The following DNAH2 variants were observed in gnomAD, a reference collection of about 807,000 sequenced individuals.
DNAH2 encodes dynein axonemal heavy chain 2.
In DNAH2, 323 loss-of-function variants were observed where a neutral mutation model predicts 523.5. The ratio of observed to expected loss-of-function variants is 0.62; its 90% confidence interval spans 0.56 to 0.68. The LOEUF (loss-of-function observed/expected upper bound fraction) is 0.68, where lower values mean the gene tolerates loss of function less well. Ranked by LOEUF, DNAH2 falls within the 30% of genes least tolerant of loss-of-function variation. DNAH2 has a pLI of 0.00. For synonymous variants in DNAH2, 2,093 were observed against 2,177.4 expected, an observed-to-expected ratio of 0.96 and a Z score of 1.08; for missense variants, 4,907 against 5,701.5, an observed-to-expected ratio of 0.86 and a Z score of 4.49.
Position 7,816,696 on chromosome 17 carries a change from G to T in DNAH2, c.9855G>T (p.Gly3285=), listed in dbSNP as rs1597753348. The T allele has an allele frequency of 2.5e-6, 4 of 1,614,198 alleles. No individual in the cohort carries two copies. Among genetic ancestry groups the T allele is most frequent in the Admixed American group, 1.7e-5 (1 of 60,032 alleles). ...AGCGAGCTGGGATGCTCGTGTCGGGGTTGGCTGGCGAGAAGGCCAGATGGG... is the reference window on the plus strand; with the variant it reads ...AGCGAGCTGGGATGCTCGTGTCGGGTTTGGCTGGCGAGAAGGCCAGATGGG... The part of the protein sequence containing the change: ...KLERAGMLVS[G]LAGEKARWEE... The change falls in exon 64 of 86, where the codon GGG becomes GGT. Residue 3285 remains glycine, a synonymous_variant. Transcript: ENST00000572933.
At chr17:7,751,669 C>T (rs568538876) in intron 12 of DNAH2, among the ~76,000 whole-genome samples, 68 of 152,144 alleles carry the variant, frequency 4.5e-4, no homozygotes, top group South Asian at 2.5e-3. Flanking sequence ...TTGGGATTCT[C>T]TATTCTGGTA....
Position 7,760,764 on chromosome 17 carries a change from T to C in DNAH2, c.2810T>C (p.Ile937Thr), listed in dbSNP as rs762842811. The C allele has an allele frequency of 1.2e-6, 2 of 1,613,982 alleles. No homozygotes were observed. Among genetic ancestry groups the C allele is most frequent in the Admixed American group, 3.3e-5 (2 of 59,990 alleles). ...VVEQDEDIKK[I>T]QTQISSGMTN... is the part of the protein sequence containing the mutation. The stretch of plus-strand genomic sequence containing the variant: ...GAGCAAGATGAGGACATCAAGAAGA[T>C]CCAGACCCAAATCAGCAGCGGCATG... The change falls in exon 18 of 86, where the codon ATC becomes ACC. Residue 937 changes from isoleucine to threonine, a missense_variant. This residue lies in a region of DNAH2 where 2,806 missense variants were observed against 3,190.8 expected (regional missense o/e 0.88). Coordinates refer to ENST00000572933, the MANE Select transcript of DNAH2 (RefSeq NM_020877.5). The surrounding 1 kb of genome is among the most constrained non-coding windows in gnomAD (Gnocchi z 4.0).
chr17:7,751,640 G>A (rs567331572), intron 12 of DNAH2, among the ~76,000 whole-genome samples: 1 of 151,958 alleles, frequency 6.6e-6, no homozygotes, highest in South Asian at 2.1e-4. Flanking sequence ...ACACATTCCC[G>A]AGTATATTCG....
chr17:7,788,133 G>A lies in DNAH2; in HGVS notation c.6789G>A (p.Lys2263=), dbSNP rs2076794883. 2 of 1,614,120 alleles carry A rather than the reference G, an allele frequency of 1.2e-6. No individual in the cohort carries two copies. Among genetic ancestry groups the A allele is most frequent in the East Asian group, 2.2e-5 (1 of 44,902 alleles). The change falls in exon 44 of 86, where the codon AAG becomes AAA. Residue 2263 remains lysine (K), a synonymous_variant. Coordinates refer to ENST00000572933, the MANE Select transcript of DNAH2 (RefSeq NM_020877.5). The part of the protein sequence containing the change: ...LQRMFEKLIN[K]MLAFKKDNCK... ...GCATGTTCGAAAAGCTCATCAACAA[G>A]ATGCTGGCCTTTAAGAAGGACAACT...
Position 7,734,167 on chromosome 17 carries a change from AC to A in DNAH2, c.629-15del. On this transcript the variant is annotated splice_polypyrimidine_tract_variant and intron_variant, in intron 5 of 85. Transcript: ENST00000572933. ...TCATCCCCTCTGTCCACTTCCACAA[AC>A]TTTCCTTTCCTTAGACACTCGGTAC... is the stretch of plus-strand genomic sequence containing the variant. 1 of 1,570,752 alleles carries A rather than the reference AC, an allele frequency of 6.4e-7. No individual in the cohort carries two copies. Among genetic ancestry groups the A allele is most frequent in the Non-Finnish European group, 8.6e-7 (1 of 1,156,900 alleles).
intron 39 of DNAH2, among the ~76,000 whole-genome samples, chr17:7,781,929 A>G (rs368553244): frequency 6.6e-6 from 1 of 152,218 alleles, no homozygotes; most frequent in East Asian, 1.9e-4. Flanking sequence ...GCAGTGTGGT[A>G]GTCTAGATAC....
At chr17:7,789,597 G>C (rs1226023456) in intron 44 of DNAH2, among the ~76,000 whole-genome samples, 1 of 135,356 alleles carries the variant, frequency 7.4e-6, no homozygotes, top group South Asian at 2.4e-4. Context: ...TTTTTTTTGA[G>C]ATGGAGTCTC....
At chr17:7,774,711 C>G (rs757718091) in intron 28 of DNAH2, 48 bp from the exon 29 acceptor site, 4 of 1,559,908 alleles carry the variant, frequency 2.6e-6, no homozygotes, top group Non-Finnish European at 1.8e-6. Context: ...CAGATCCGCC[C>G]AGGGCAGTGG....
At position 7,817,809 on chromosome 17, in the gene DNAH2, C is replaced by G; in HGVS notation, c.10189C>G (p.Pro3397Ala). The change falls in exon 67 of 86, where the codon CCT (proline) becomes GCT (alanine). Residue 3397 changes from proline (P) to alanine (A), a missense_variant. Physicochemically the swap from Pro to Ala is conservative, Grantham distance 27. Transcript: ENST00000572933. Reference sequence around the variant, plus strand: ...TTCCAGGTGGGCACTGATGATCGACCCTCAGGCCCAGGCCCTGAAATGGAT... The same window carrying G: ...TTCCAGGTGGGCACTGATGATCGACGCTCAGGCCCAGGCCCTGAAATGGAT... ...RGNRWALMID[P>A]QAQALKWIKN... 1 of 1,614,084 alleles carries G rather than the reference C, an allele frequency of 6.2e-7. No individual in the cohort carries two copies. The highest frequency in any genetic ancestry group is 8.5e-7 in the Non-Finnish European group (1 of 1,180,014).
intron 30 of DNAH2, 106 bp from the exon 31 acceptor site, chr17:7,775,918 T>C: frequency 6.9e-7 from 1 of 1,457,778 alleles, no homozygotes; most frequent in Non-Finnish European, 9.2e-7. Context: ...CCCGCTTTTC[T>C]CTGGGTACAA....
At position 7,720,013 on chromosome 17, in the gene DNAH2, C is replaced by T. The variant is rs190103345; in HGVS notation, c.166+113C>T. 332 of 1,315,884 alleles carry T rather than the reference C, an allele frequency of 2.5e-4. 1 individual carries two copies. Among genetic ancestry groups the T allele is most frequent in the East Asian group, 7.0e-4 (26 of 37,208 alleles). 81.5% of individuals were successfully genotyped at this position (1,315,884 alleles called of 1,614,324 possible). On this transcript the variant is annotated intron_variant, in intron 2 of 85. Coordinates refer to ENST00000572933, the MANE Select transcript of DNAH2 (RefSeq NM_020877.5). ...GGCGCTGTTGCTTCTGGGCAGGAAA[C>T]GGGCTAAGTGACGCCCCCAGCCATG...
At chr17:7,823,660 TCTC>T in intron 74 of DNAH2, 32 bp downstream of exon 74, 1 of 1,606,420 alleles carries the variant, frequency 6.2e-7, no homozygotes, top group Non-Finnish European at 8.5e-7. Context: ...CTCTCACTTT[TCTC>T]CTTCCCTCCA....
intron 77 of DNAH2, among the ~76,000 whole-genome samples, chr17:7,827,877 C>T (rs577207822): frequency 6.6e-6 from 1 of 152,142 alleles, no homozygotes; most frequent in East Asian, 1.9e-4. Context: ...TTTCAGGGTC[C>T]TTTATTCTGT....
In DNAH2 at chr17:7,725,495, C is replaced by T. The variant is rs28504511; in HGVS notation, c.229-1627C>T. On this transcript the variant is annotated intron_variant, in intron 3 of 85. Coordinates refer to ENST00000572933, the MANE Select transcript of DNAH2 (RefSeq NM_020877.5). ...TTACCCAGGTTGGAGTGCAGTGGCG[C>T]GATCTCAGCTCACTGCAACCTCCGC... Among the ~76,000 whole-genome samples the T allele has an allele frequency of 1.8e-3, 275 of 149,268 alleles. 3 individuals are homozygous for T. Among genetic ancestry groups the T allele is most frequent in the African/African-American group, 6.5e-3 (262 of 40,520 alleles).
In DNAH2 at chr17:7,818,379, C is replaced by A; in HGVS notation, c.10455C>A (p.Ile3485=). The A allele has an allele frequency of 6.2e-7, 1 of 1,614,236 alleles. No individual in the cohort carries two copies. Among genetic ancestry groups the A allele is most frequent in the South Asian group, 1.1e-5 (1 of 91,088 alleles). The stretch of plus-strand genomic sequence containing the variant: ...ATAATACCAATTTCCGTTTCTACAT[C>A]ACCACCAAGCTCTCCAACCCCCACT... ...VEYNTNFRFY[I]TTKLSNPHYS... The change falls in exon 69 of 86, where the codon ATC becomes ATA. Residue 3485 remains isoleucine, a synonymous_variant. Transcript: ENST00000572933.
intron 63 of DNAH2, among the ~76,000 whole-genome samples, chr17:7,809,573 G>C (rs2077455625): frequency 6.6e-6 from 1 of 152,160 alleles, no homozygotes; most frequent in African/African-American, 2.4e-5. Flanking sequence ...AATCTGTTTG[G>C]AAAGGGTTTT....
intron 12 of DNAH2, chr17:7,743,952 C>A (rs2934599): frequency 0.75 from 114,580 of 152,194 alleles, 44,035 homozygotes; most frequent in East Asian, 1. Flanking sequence ...ATGTACACAA[C>A]GGCCAAGTCC....
In DNAH2 at chr17:7,734,284, C is replaced by A; in HGVS notation, c.730C>A (p.Arg244=). The change falls in exon 6 of 86, where the codon CGG becomes AGG. Residue 244 remains arginine, a synonymous_variant. Coordinates refer to ENST00000572933, the MANE Select transcript of DNAH2 (RefSeq NM_020877.5). ...MVIKDKELVQ[R]LETSMIHWTR... ...GATAAAGGACAAAGAGCTGGTGCAA[C>A]GGCTAGAGAGTGAGTGGCTGGCACT... 6.2e-7 allele frequency: 1 copy of A among 1,607,056 alleles called. No individual in the cohort carries two copies. Among genetic ancestry groups the A allele is most frequent in the South Asian group, 1.1e-5 (1 of 89,848 alleles).
In DNAH2 at chr17:7,818,956, G is replaced by A. The variant is rs1567752638; in HGVS notation, c.10708G>A (p.Val3570Met). 6.2e-7 allele frequency: 1 copy of A among 1,612,506 alleles called. No individual in the cohort carries two copies. Among genetic ancestry groups the A allele is most frequent in the East Asian group, 2.2e-5 (1 of 44,878 alleles). The change falls in exon 71 of 86, where the codon GTG (valine) becomes ATG (methionine). Residue 3570 changes from valine (V) to methionine (M), a missense_variant. By Grantham distance (21) the Val-to-Met change is conservative. Coordinates refer to ENST00000572933, the MANE Select transcript of DNAH2 (RefSeq NM_020877.5). ...NEATGSLLDD[V>M]QLVNTLHTSK... ...GGCCACCGGCTCCCTGCTGGATGATGTGCAGCTGGTGAACACGCTGCATAC... is the reference window on the plus strand; with the variant it reads ...GGCCACCGGCTCCCTGCTGGATGATATGCAGCTGGTGAACACGCTGCATAC...
Sources: allele counts gnomAD v4.1 joint callset (sites outside exome capture counted in the v4.1 genomes callset), GRCh38; gene constraint gnomAD v4.1.1; regional missense constraint gnomAD v4.1.1; non-coding constraint Gnocchi (gnomAD v3.1); transcripts MANE v1.5; gene names NCBI Gene and HGNC (gene_info 2026-07-23, HGNC 2026-07-21).